UTP4: variants seen among roughly 807,000 people sequenced by gnomAD.
UTP4 encodes UTP4 small subunit processome component, also known as U3 small nucleolar RNA-associated protein 4 homolog.
In UTP4, 45 loss-of-function variants were observed where a neutral mutation model predicts 82.4. The observed-to-expected ratio is 0.55, with a 90% confidence interval of 0.43 to 0.70. UTP4 has a LOEUF of 0.70. Ranked by LOEUF, UTP4 falls within the 30% of genes least tolerant of loss-of-function variation. The pLI is 0.00. For missense variants in UTP4, 819 were observed against 858.3 expected (o/e 0.95, Z 0.57); for synonymous variants, 348 against 300.3 (o/e 1.16, Z -1.64).
At position 69,137,037 on chromosome 16, in the gene UTP4, T is replaced by G; in HGVS notation, c.351+150T>G. The G allele has an allele frequency of 1.2e-5, 9 of 742,276 alleles. No homozygotes were observed. In the South Asian group the frequency reaches 1.3e-4, roughly 11 times the overall value. 46.0% of individuals were successfully genotyped at this position (742,276 alleles called of 1,614,324 possible). A position where few individuals can be genotyped will look rare whatever the true frequency, so the allele number is the denominator to read the frequency against. On this transcript the variant is annotated intron_variant, in intron 3 of 16. Transcript: ENST00000314423. The stretch of plus-strand genomic sequence containing the variant: ...GAATTGATAGTGAAGATTTTAAAAA[T>G]CCCCAGCATTCTTTTTGCTACTAGT...
Position 69,136,548 on chromosome 16 carries a change from T to C in UTP4, c.160-148T>C, listed in dbSNP as rs1962819117. On this transcript the variant is annotated intron_variant, in intron 2 of 16. Transcript: ENST00000314423. ...GTAATTAGAATTTGAGCTGAAAAAA[T>C]GAAAATGTCATTAGGCATGATCTGA... The C allele has an allele frequency of 6.3e-6, 5 of 791,874 alleles. No homozygotes were observed. In the East Asian group the frequency reaches 9.8e-5, roughly 16 times the overall value. 49.1% of individuals were successfully genotyped at this position (791,874 alleles called of 1,614,324 possible). A position where few individuals can be genotyped will look rare whatever the true frequency, so the allele number is the denominator to read the frequency against.
intron 10 of UTP4, 42 bp from the exon 11 acceptor site, chr16:69,155,829 G>A: frequency 6.2e-7 from 1 of 1,613,556 alleles, no homozygotes; most frequent in African/African-American, 1.3e-5. Flanking sequence ...CTTGTTATGT[G>A]AAGTTTAATT....
At position 69,133,476 on chromosome 16, in the gene UTP4, T is replaced by G. The variant is rs765771251; in HGVS notation, c.17T>G (p.Val6Gly). The G allele has an allele frequency of 8.7e-6, 14 of 1,614,160 alleles. No homozygotes were observed. Among genetic ancestry groups the G allele is most frequent in the Non-Finnish European group, 1.2e-5 (14 of 1,180,012 alleles). Residue 6 changes from valine to glycine, a missense_variant, in exon 2 of 17, where the codon GTC becomes GGC. Val to Gly is a moderately radical substitution (Grantham distance 109, BLOSUM62 -3). Coordinates refer to ENST00000314423, the MANE Select transcript of UTP4 (RefSeq NM_032830.3). MGEFK[V>G]HRVRFFNYVP... ...CCCCTAGGAATGGGTGAATTTAAGGTCCATCGAGTACGTTTCTTTAATTAT... is the reference window on the plus strand; with the variant it reads ...CCCCTAGGAATGGGTGAATTTAAGGGCCATCGAGTACGTTTCTTTAATTAT...
intron 5 of UTP4, among the ~76,000 whole-genome samples, chr16:69,141,417 G>C (rs1252345782): frequency 6.6e-6 from 1 of 152,176 alleles, no homozygotes; most frequent in Non-Finnish European, 1.5e-5. Flanking sequence ...CTGTCTTCCA[G>C]CTCCTCGTAT....
chr16:69,153,442 C>T (rs1963328429), intron 8 of UTP4, 142 bp from the exon 9 acceptor site: 1 of 698,732 alleles, frequency 1.4e-6, no homozygotes, highest in African/African-American at 1.8e-5. Context: ...CAGTGCCTGG[C>T]ATATGGGAGT....
chr16:69,143,419 A>G, intron 6 of UTP4, 30 bp downstream of exon 6: 4 of 1,593,260 alleles, frequency 2.5e-6, no homozygotes, highest in Non-Finnish European at 3.4e-6. Flanking sequence ...AGAGTGGTTG[A>G]TGTACACCCT....
chr16:69,145,802 G>A (rs1963093644), intron 6 of UTP4, among the ~76,000 whole-genome samples: 1 of 152,154 alleles, frequency 6.6e-6, no homozygotes, highest in African/African-American at 2.4e-5. Context: ...TTAAGGCAGT[G>A]TGGTGTTCCC....
At chr16:69,153,072 CCT>C (rs970315677) in intron 8 of UTP4, among the ~76,000 whole-genome samples, 30 of 152,224 alleles carry the variant, frequency 2.0e-4, no homozygotes, top group African/African-American at 7.0e-4. Context: ...TCTTTTTGCA[CCT>C]CTCGTGCTTG....
chr16:69,165,787 A>C (rs183615801), intron 15 of UTP4: 5 of 581,830 alleles, frequency 8.6e-6, no homozygotes, highest in South Asian at 4.0e-5. Flanking sequence ...CTATTTGTCT[A>C]CTTTGCGAGT....
At chr16:69,151,358 T>C (rs1235365131) in intron 8 of UTP4, among the ~76,000 whole-genome samples, 2 of 148,344 alleles carry the variant, frequency 1.3e-5, no homozygotes, top group Non-Finnish European at 3.0e-5. Context: ...AGTCTCTCTC[T>C]GTCGCCCAGG....
intron 6 of UTP4, among the ~76,000 whole-genome samples, chr16:69,150,318 G>A (rs562331665): frequency 1.3e-5 from 2 of 152,268 alleles, no homozygotes; most frequent in East Asian, 3.9e-4. Flanking sequence ...CTGTACTGTA[G>A]ACGTTAATTT....
At chr16:69,157,596 T>C (rs35857733) in intron 12 of UTP4, among the ~76,000 whole-genome samples, 59,176 of 151,958 alleles carry the variant, frequency 0.39, 11,788 homozygotes, top group East Asian at 0.49. Context: ...CTAATATGTA[T>C]TTGTATATAA....
At chr16:69,142,262 T>A (rs1419977496) in intron 5 of UTP4, 1 of 152,308 alleles carries the variant, frequency 6.6e-6, no homozygotes, top group Non-Finnish European at 1.5e-5. Flanking sequence ...TTTGTGTCAG[T>A]TATGTTCCTC....
Position 69,159,565 on chromosome 16 carries a change from G to A in UTP4, c.1445-791G>A, listed in dbSNP as rs183521610. ...TAGCTGGGTGTGGTGGTGCACGCCTGTAGTCCCAGCTACTTGGGAGGCTGA... is the reference window on the plus strand; with the variant it reads ...TAGCTGGGTGTGGTGGTGCACGCCTATAGTCCCAGCTACTTGGGAGGCTGA... On this transcript the variant is annotated intron_variant, in intron 12 of 16. Transcript: ENST00000314423. Among the ~76,000 whole-genome samples, 702 of 152,204 alleles carry A rather than the reference G, an allele frequency of 4.6e-3. 32 individuals are homozygous for A. The South Asian group carries it at 0.09, about 20-fold the overall frequency.
At chr16:69,150,760 G>A (rs948342741) in intron 7 of UTP4, 52 bp downstream of exon 7, 2 of 1,613,510 alleles carry the variant, frequency 1.2e-6, no homozygotes, top group Admixed American at 1.7e-5. Context: ...AGTTCTGGCT[G>A]TTCTCGTGAG....
chr16:69,153,491 T>TG, intron 8 of UTP4, 93 bp from the exon 9 acceptor site: 1 of 850,250 alleles, frequency 1.2e-6, no homozygotes, highest in Non-Finnish European at 2.0e-6. Context: ...ATTTCAGCAG[T>TG]AAAAAATGTG....
chr16:69,157,843 C>T (rs1180742716), intron 12 of UTP4, among the ~76,000 whole-genome samples: 2 of 151,438 alleles, frequency 1.3e-5, no homozygotes, highest in Non-Finnish European at 2.9e-5. Context: ...GTGATCCTCC[C>T]ATCCTGCCCT....
chr16:69,152,884 G>A (rs934106602), intron 8 of UTP4, among the ~76,000 whole-genome samples: 1 of 151,976 alleles, frequency 6.6e-6, no homozygotes, highest in Non-Finnish European at 1.5e-5. Context: ...TCAGCCTCTC[G>A]ATTGCTGGCA....
At chr16:69,153,545 C>T (rs1403766675) in intron 8 of UTP4, 39 bp from the exon 9 acceptor site, 32 of 1,469,160 alleles carry the variant, frequency 2.2e-5, no homozygotes, top group Non-Finnish European at 2.9e-5. Context: ...AGTAGATGAC[C>T]CTGACTTATT....
Sources: gnomAD v4.1 joint callset for allele counts (sites outside exome capture counted in the v4.1 genomes callset) on GRCh38, gnomAD v4.1.1 for gene constraint, MANE v1.5 for transcripts, NCBI Gene and HGNC (gene_info 2026-07-23, HGNC 2026-07-21) for gene names.